GJA8: variants seen among roughly 807,000 people sequenced by gnomAD.
GJA8 encodes gap junction protein alpha 8, also known as gap junction alpha-8 protein.
Under a neutral mutation model 15.3 loss-of-function variants are expected in GJA8, and 13 were observed. The ratio of observed to expected loss-of-function variants is 0.85; its 90% CI spans 0.55 to 1.35. GJA8 has a LOEUF of 1.35. Ranked by LOEUF, GJA8 falls within the 40% of genes most tolerant of loss-of-function variation. The probability of loss-of-function intolerance (pLI) is 0.00; values close to 1 mark genes in which losing one functional copy is unlikely to be tolerated. For missense variants in GJA8, 607 were observed against 553.3 expected (o/e 1.10, Z -0.97); for synonymous variants, 304 against 238.7 (o/e 1.27, Z -2.52).
intron 1 of GJA8, among the ~76,000 whole-genome samples, chr1:147,903,660 G>A (rs1352980740): frequency 1.3e-5 from 2 of 152,152 alleles, no homozygotes; most frequent in African/African-American, 4.8e-5. Flanking sequence ...GTCTGGTAAT[G>A]GGGATTGATA....
Position 147,908,851 on chromosome 1 carries a change from A to T in GJA8, c.896A>T (p.Gln299Leu). Residue 299 changes from glutamine to leucine, a missense_variant, in exon 2 of 2, where the codon CAG becomes CTG. Physicochemically the swap from Gln to Leu is moderately radical, Grantham distance 113 (BLOSUM62 -2). Transcript: ENST00000369235. The part of the protein sequence containing the change: ...TSPLPAKPFN[Q>L]FEEKISTGPL... ...CCACTGCCTGCCAAGCCTTTCAATC[A>T]GTTCGAGGAGAAGATCAGCACAGGA... 6.2e-7 allele frequency: 1 copy of T among 1,614,192 alleles called. No homozygotes were observed. The highest frequency in any genetic ancestry group is 8.5e-7 in the Non-Finnish European group (1 of 1,180,048).
chr1:147,913,890 A>T (rs587639964), downstream of GJA8, among the ~76,000 whole-genome samples: 50 of 152,356 alleles, frequency 3.3e-4, 1 homozygote, highest in South Asian at 9.9e-3. Flanking sequence ...CTAAGTGTGT[A>T]CCTAGAAGTG....
downstream of GJA8, among the ~76,000 whole-genome samples, chr1:147,910,448 T>C (rs1181246166): frequency 2.0e-5 from 3 of 152,206 alleles, no homozygotes; most frequent in Non-Finnish European, 1.5e-5. Flanking sequence ...GACCATTCTT[T>C]TGGCTCATTG....
downstream of GJA8, among the ~76,000 whole-genome samples, chr1:147,910,930 T>A (rs934314426): frequency 6.6e-6 from 1 of 152,122 alleles, no homozygotes; most frequent in African/African-American, 2.4e-5. Context: ...TTCCCACAAC[T>A]CACCCTCCTC....
downstream of GJA8, among the ~76,000 whole-genome samples, chr1:147,914,175 G>A (rs148012404): frequency 2.6e-5 from 4 of 152,260 alleles, no homozygotes; most frequent in Admixed American, 1.3e-4. Context: ...AGTCTCCAAC[G>A]CCACTGCTTT....
At chr1:147,907,216 T>C (rs1272340553) in intron 1 of GJA8, among the ~76,000 whole-genome samples, 1 of 152,178 alleles carries the variant, frequency 6.6e-6, no homozygotes, top group African/African-American at 2.4e-5. Flanking sequence ...GGAATCAACT[T>C]AGTTAACAAA....
downstream of GJA8, among the ~76,000 whole-genome samples, chr1:147,913,352 C>G (rs1005483091): frequency 6.6e-6 from 1 of 152,040 alleles, no homozygotes; most frequent in East Asian, 1.9e-4. Flanking sequence ...GAGCCAATAA[C>G]TAAAGTAAGG....
chr1:147,910,972 T>C (rs774139612), downstream of GJA8, among the ~76,000 whole-genome samples: 2 of 152,208 alleles, frequency 1.3e-5, no homozygotes, highest in Non-Finnish European at 1.5e-5. Context: ...GAAATCCTCA[T>C]GTACACGTAC....
At chr1:147,913,666 G>C (rs1571185460), downstream of GJA8, among the ~76,000 whole-genome samples, 1 of 152,244 alleles carries the variant, frequency 6.6e-6, no homozygotes. Flanking sequence ...GGGTCATTAG[G>C]CGTGCTCTAA....
At position 147,908,855 on chromosome 1, in the gene GJA8, CGAG is replaced by C. The variant is rs781912425; in HGVS notation, c.904_906del (p.Glu302del). 35 of 1,614,028 alleles carry C rather than the reference CGAG, an allele frequency of 2.2e-5. No individual in the cohort carries two copies. Among genetic ancestry groups the C allele is most frequent in the Non-Finnish European group, 2.7e-5 (32 of 1,180,048 alleles). Reference sequence around the variant, plus strand: ...TGCCTGCCAAGCCTTTCAATCAGTTCGAGGAGAAGATCAGCACAGGACCCCTGG... The same window carrying C: ...TGCCTGCCAAGCCTTTCAATCAGTTCGAGAAGATCAGCACAGGACCCCTGG... On this transcript the variant is annotated inframe_deletion, in exon 2 of 2. Coordinates refer to ENST00000369235, the MANE Select transcript of GJA8 (RefSeq NM_005267.5).
intron 1 of GJA8, 58 bp from the exon 2 acceptor site, chr1:147,907,887 A>G: frequency 1.6e-6 from 2 of 1,220,470 alleles, no homozygotes; most frequent in South Asian, 1.2e-5. Flanking sequence ...AAAAACAGAT[A>G]TTGACTCAGG....
intron 1 of GJA8, among the ~76,000 whole-genome samples, chr1:147,903,581 G>T (rs1495960): frequency 0.55 from 83,178 of 152,000 alleles, 23,596 homozygotes; most frequent in African/African-American, 0.7. Flanking sequence ...AGGGCTCACA[G>T]CCTAGCTCTG....
intron 1 of GJA8, among the ~76,000 whole-genome samples, chr1:147,905,107 T>G (rs1464719028): frequency 6.6e-6 from 1 of 152,220 alleles, no homozygotes; most frequent in Non-Finnish European, 1.5e-5. Context: ...TACCATTTTT[T>G]ACAAGTTCTT....
Position 147,909,081 on chromosome 1 carries a change from G to C in GJA8, c.1126G>C (p.Gly376Arg). 2 of 1,610,270 alleles carry C rather than the reference G, an allele frequency of 1.2e-6. No homozygotes were observed. Among genetic ancestry groups the C allele is most frequent in the South Asian group, 2.2e-5 (2 of 90,616 alleles). ...AGAGGGGGAGAAAGTAGAGACCCCCGGAGTGGATAAGGAGGGTGAAAAAGA... is the reference window on the plus strand; with the variant it reads ...AGAGGGGGAGAAAGTAGAGACCCCCCGAGTGGATAAGGAGGGTGAAAAAGA... The part of the protein sequence containing the change: ...VPEGEKVETP[G>R]VDKEGEKEEP... The change falls in exon 2 of 2, where the codon GGA (glycine) becomes CGA (arginine). Residue 376 changes from glycine (G) to arginine (R), a missense_variant. Gly to Arg is a moderately radical substitution (Grantham distance 125). Coordinates refer to ENST00000369235, the MANE Select transcript of GJA8 (RefSeq NM_005267.5).
Position 147,907,870 on chromosome 1 carries a change from C to A in GJA8, c.-11-75C>A. The A allele has an allele frequency of 5.8e-6, 6 of 1,039,352 alleles. No homozygotes were observed. The South Asian group carries it at 7.6e-5, about 13-fold the overall frequency. 64.4% of individuals were successfully genotyped at this position (1,039,352 alleles called of 1,614,324 possible). On this transcript the variant is annotated intron_variant, in intron 1 of 1. Coordinates refer to ENST00000369235, the MANE Select transcript of GJA8 (RefSeq NM_005267.5). ...CAACTTGGAAAGGAGAGGTACCCCG[C>A]GTTAGCAAAAACAGATATTGACTCA... is the stretch of plus-strand genomic sequence containing the variant.
At chr1:147,904,439 T>G (rs1651715211) in intron 1 of GJA8, among the ~76,000 whole-genome samples, 1 of 152,298 alleles carries the variant, frequency 6.6e-6, no homozygotes, top group Admixed American at 6.5e-5. Context: ...AGGTGTTATT[T>G]TAATCATTAC....
chr1:147,914,036 A>G (rs1652284338), downstream of GJA8, among the ~76,000 whole-genome samples: 4 of 152,202 alleles, frequency 2.6e-5, no homozygotes, highest in Non-Finnish European at 4.4e-5. Context: ...AAAAACTTTT[A>G]TGAAAGACAG....
At chr1:147,912,937 C>T (rs1169735862), downstream of GJA8, among the ~76,000 whole-genome samples, 3 of 151,348 alleles carry the variant, frequency 2.0e-5, no homozygotes, top group Admixed American at 6.6e-5. Flanking sequence ...AAGAAAAAAG[C>T]CTGTCTGCTT....
At chr1:147,912,103 C>T (rs1047880572), downstream of GJA8, among the ~76,000 whole-genome samples, 22 of 152,262 alleles carry the variant, frequency 1.4e-4, no homozygotes, top group Admixed American at 1.4e-3. Context: ...CTTGAGCTCT[C>T]TTTACTTCAG....
Sources: allele counts gnomAD v4.1 joint callset (sites outside exome capture counted in the v4.1 genomes callset), GRCh38; gene constraint gnomAD v4.1.1; transcripts MANE v1.5; gene names NCBI Gene and HGNC (gene_info 2026-07-23, HGNC 2026-07-21).